The following PDZD2 variants were observed in gnomAD, a reference collection of about 807,000 sequenced individuals.
The protein encoded by PDZD2 is PDZ domain-containing protein 2.
A neutral mutation model predicts 220.7 loss-of-function variants in PDZD2; 90 were observed. That is an observed-to-expected ratio of 0.41 (90% CI 0.34 to 0.49). The LOEUF is 0.49. PDZD2 is among the 20% of genes least tolerant of loss of function. The pLI, the probability that PDZD2 is intolerant of heterozygous loss-of-function variation, is 0.28. For synonymous variants in PDZD2, 1,375 were observed against 1,450.5 expected, an observed-to-expected ratio of 0.95 and a Z score of 1.18; for missense variants, 3,174 against 3,608.5, an observed-to-expected ratio of 0.88 and a Z score of 3.08.
In PDZD2 at chr5:32,085,282, T is replaced by C. The variant is rs376419382; in HGVS notation, c.3683-1849T>C. ...TTTTTTTTTTTAATTGACACATAAT[T>C]GTACATACTTATGGAGCACAAAGTG... On this transcript the variant is annotated intron_variant, in intron 19 of 24. Transcript: ENST00000438447. Among the ~76,000 whole-genome samples, 8 of 148,168 alleles carry C rather than the reference T, an allele frequency of 5.4e-5. 1 individual carries two copies. Among genetic ancestry groups the C allele is most frequent in the African/African-American group, 1.8e-4 (7 of 38,532 alleles).
chr5:31,779,231 A>G (rs1752910853), intron 1 of PDZD2, among the ~76,000 whole-genome samples: 1 of 151,984 alleles, frequency 6.6e-6, no homozygotes. Flanking sequence ...TGTTGCATCA[A>G]CATACCACCT....
At chr5:31,944,748 TC>T (rs1746483416) in intron 2 of PDZD2, among the ~76,000 whole-genome samples, 1 of 152,160 alleles carries the variant, frequency 6.6e-6, no homozygotes, top group South Asian at 2.1e-4. Context: ...TGCACGTGTG[TC>T]CCCAGGTGAC....
chr5:31,911,159 T>G (rs1407167444), intron 2 of PDZD2, among the ~76,000 whole-genome samples: 1 of 152,192 alleles, frequency 6.6e-6, no homozygotes, highest in Non-Finnish European at 1.5e-5. Context: ...GTATGGTATG[T>G]AAGCCAAATC....
rs80348747 is a variant in PDZD2, at chr5:31,772,888, T to C, written c.-360-26001T>C. On this transcript the variant is annotated intron_variant, in intron 1 of 24. Transcript: ENST00000438447. Reference sequence around the variant, plus strand: ...GTAACTGGAGCAAGGAGACCATTGATTGAAGCTGGACTATATGGTATAGAC... The same window carrying C: ...GTAACTGGAGCAAGGAGACCATTGACTGAAGCTGGACTATATGGTATAGAC... Among the ~76,000 whole-genome samples the C allele has an allele frequency of 5.8e-3, 882 of 152,322 alleles. 11 individuals are homozygous for C. Among genetic ancestry groups the C allele is most frequent in the African/African-American group, 0.02 (821 of 41,574 alleles).
intron 1 of PDZD2, among the ~76,000 whole-genome samples, chr5:31,785,998 T>C (rs1753358995): frequency 6.6e-6 from 1 of 152,146 alleles, no homozygotes; most frequent in Non-Finnish European, 1.5e-5. Context: ...GCCTACCTCC[T>C]CCGAAATCTT....
chr5:31,886,003 G>C (rs968508659), intron 2 of PDZD2, among the ~76,000 whole-genome samples: 4 of 151,864 alleles, frequency 2.6e-5, no homozygotes, highest in Non-Finnish European at 4.4e-5. Flanking sequence ...GGGTTCAAGT[G>C]ATTCTCCTGC....
chr5:31,677,187 G>A (rs1156779876), intron 1 of PDZD2, among the ~76,000 whole-genome samples: 4 of 152,170 alleles, frequency 2.6e-5, no homozygotes, highest in African/African-American at 9.7e-5. Context: ...CTGTCAAGCC[G>A]AGGCGGTGGG....
At chr5:31,891,162 A>G (rs1171390938) in intron 2 of PDZD2, among the ~76,000 whole-genome samples, 14 of 108,716 alleles carry the variant, frequency 1.3e-4, no homozygotes, top group East Asian at 3.0e-4. Context: ...TTTGAGACGG[A>G]GTCTCGCTCT....
chr5:31,891,574 C>T (rs1333425322), intron 2 of PDZD2, among the ~76,000 whole-genome samples: 5 of 151,734 alleles, frequency 3.3e-5, no homozygotes, highest in African/African-American at 1.2e-4. Flanking sequence ...CTCTGCCTCC[C>T]AAAGTGTTGG....
chr5:31,915,109 T>G (rs1455274459), intron 2 of PDZD2, among the ~76,000 whole-genome samples: 2 of 152,158 alleles, frequency 1.3e-5, no homozygotes, highest in Non-Finnish European at 2.9e-5. Context: ...AAACAGAGTA[T>G]GTTGGGTGTT....
intron 1 of PDZD2, among the ~76,000 whole-genome samples, chr5:31,730,749 G>A (rs1421612714): frequency 6.6e-6 from 1 of 152,142 alleles, no homozygotes; most frequent in Non-Finnish European, 1.5e-5. Flanking sequence ...GCTTTATCAT[G>A]AGATGGATGG....
At chr5:31,721,741 C>A (rs1364786487) in intron 1 of PDZD2, among the ~76,000 whole-genome samples, 8 of 147,964 alleles carry the variant, frequency 5.4e-5, no homozygotes, top group Non-Finnish European at 6.0e-5. Flanking sequence ...TTAGCTGTCT[C>A]AAAAAAAAAA....
rs1439057202 is a variant in PDZD2, at chr5:32,066,034, A to G, written c.2452-3535A>G. 2.0e-5 allele frequency among the ~76,000 whole-genome samples: 3 copies of G among 151,516 alleles called. No homozygotes were observed. In the East Asian group the frequency reaches 5.9e-4, roughly 30 times the overall value. Reference sequence around the variant, plus strand: ...AGCAAGACTTGGTCTAAATCAATCAATCAATCAATCAATCAATCCAAGTAC... The same window carrying G: ...AGCAAGACTTGGTCTAAATCAATCAGTCAATCAATCAATCAATCCAAGTAC... On this transcript the variant is annotated intron_variant, in intron 14 of 24. Transcript: ENST00000438447.
At chr5:31,805,892 G>C (rs1754686066) in intron 2 of PDZD2, among the ~76,000 whole-genome samples, 1 of 152,178 alleles carries the variant, frequency 6.6e-6, no homozygotes, top group African/African-American at 2.4e-5. Context: ...TGTGATTGGA[G>C]TTATGCTGCT....
intron 2 of PDZD2, among the ~76,000 whole-genome samples, chr5:31,966,862 C>T (rs539301988): frequency 6.6e-6 from 1 of 152,272 alleles, no homozygotes. Context: ...CCGGCCCCAC[C>T]AGCCTGCCTG....
At chr5:31,989,416 C>CTTTTT (rs1385913596) in intron 3 of PDZD2, among the ~76,000 whole-genome samples, 17 of 120,618 alleles carry the variant, frequency 1.4e-4, no homozygotes, top group South Asian at 8.8e-4. Flanking sequence ...ACCACATTTT[C>CTTTTT]TTTTCTTTTT....
At chr5:31,688,752 A>C (rs1367714681) in intron 1 of PDZD2, among the ~76,000 whole-genome samples, 1 of 152,176 alleles carries the variant, frequency 6.6e-6, no homozygotes, top group Non-Finnish European at 1.5e-5. Context: ...TCCTCAATGA[A>C]GAGTGAATGA....
chr5:31,918,730 G>A (rs995833337), intron 2 of PDZD2, among the ~76,000 whole-genome samples: 1 of 152,176 alleles, frequency 6.6e-6, no homozygotes, highest in Non-Finnish European at 1.5e-5. Context: ...GAGGAGGGAA[G>A]TGCAGTTCCC....
At chr5:31,746,273 G>A (rs970014726) in intron 1 of PDZD2, among the ~76,000 whole-genome samples, 4 of 152,332 alleles carry the variant, frequency 2.6e-5, no homozygotes, top group Non-Finnish European at 5.9e-5. Flanking sequence ...TTCCTGAACA[G>A]ATGAGGTATA....
Sources: allele counts gnomAD v4.1 joint callset (sites outside exome capture counted in the v4.1 genomes callset), GRCh38; gene constraint gnomAD v4.1.1; transcripts MANE v1.5; gene names NCBI Gene and HGNC (gene_info 2026-07-23, HGNC 2026-07-21).